Variants in RIPOR2 observed in about 807,000 individuals in gnomAD.
The protein encoded by RIPOR2 is rho family-interacting cell polarization regulator 2.
In RIPOR2, 39 loss-of-function variants were observed where a neutral mutation model predicts 114.5. That is an observed-to-expected ratio of 0.34 (90% CI 0.26 to 0.44). The LOEUF is 0.44. Ranked by LOEUF, RIPOR2 falls within the 20% of genes least tolerant of loss-of-function variation. The pLI is 1.00. For synonymous variants in RIPOR2, 445 were observed against 484.4 expected (o/e 0.92, Z 1.07); for missense variants, 1,007 against 1,255.1 (o/e 0.80, Z 2.99).
At chr6:25,033,813 A>G (rs78150260) in intron 1 of RIPOR2, among the ~76,000 whole-genome samples, 2,583 of 152,330 alleles carry the variant, frequency 0.017, 58 homozygotes, top group African/African-American at 0.049. Context: ...GTGGTCTACA[A>G]AAAACAAATC....
At chr6:24,944,878 G>T (rs1772329299) in intron 1 of RIPOR2, among the ~76,000 whole-genome samples, 2 of 152,090 alleles carry the variant, frequency 1.3e-5, no homozygotes, top group African/African-American at 2.4e-5. Context: ...AGGGCAAAGG[G>T]ATGAAAAAAA....
rs555218399 is a variant in RIPOR2, at chr6:25,016,677, G to C, written c.76+25174C>G. ...AAGTCTTGTGTCTGGCGATAATAAAGTTCCCTTAACTGATTCATCACTTCT... is the reference window on the plus strand; with the variant it reads ...AAGTCTTGTGTCTGGCGATAATAAACTTCCCTTAACTGATTCATCACTTCT... On this transcript the variant is annotated intron_variant, in intron 1 of 13. Transcript: ENST00000510784. Among the ~76,000 whole-genome samples the C allele has an allele frequency of 7.1e-4, 108 of 152,292 alleles. 1 individual carries two copies. The highest frequency in any genetic ancestry group is 4.4e-3 in the Admixed American group (68 of 15,298).
At chr6:24,820,015 T>C (rs536748946) in intron 19 of RIPOR2, among the ~76,000 whole-genome samples, 2 of 152,150 alleles carry the variant, frequency 1.3e-5, no homozygotes, top group Non-Finnish European at 2.9e-5. Context: ...CTGAATTACT[T>C]TTATTTTCTA....
Position 24,865,400 on chromosome 6 carries a change from A to G in RIPOR2, c.552T>C (p.Gly184=). Reference sequence around the variant, plus strand: ...CGAAGGCTTGCTTCATTTTGCTGGCACCATCCTGGAGGCGTCGCTGGATAC... The same window carrying G: ...CGAAGGCTTGCTTCATTTTGCTGGCGCCATCCTGGAGGCGTCGCTGGATAC... ...AYCIQRRLQD[G]ASKMKQAFAT... Residue 184 remains glycine, a synonymous_variant, in exon 7 of 22, where the codon GGT becomes GGC. Coordinates refer to ENST00000643898, the MANE Select transcript of RIPOR2 (RefSeq NM_001286445.3). The G allele has an allele frequency of 2.5e-6, 4 of 1,613,704 alleles. No homozygotes were observed. Among genetic ancestry groups the G allele is most frequent in the Non-Finnish European group, 3.4e-6 (4 of 1,179,718 alleles).
At chr6:24,842,061 C>A (rs546018349) in intron 13 of RIPOR2, among the ~76,000 whole-genome samples, 1 of 152,144 alleles carries the variant, frequency 6.6e-6, no homozygotes, top group African/African-American at 2.4e-5. Context: ...GTTCTCTTTT[C>A]TTTTATATGA....
intron 14 of RIPOR2, among the ~76,000 whole-genome samples, chr6:24,836,421 T>G (rs1473525037): frequency 6.6e-6 from 1 of 152,248 alleles, no homozygotes. Context: ...ATCGCTTAGT[T>G]CTGCCTCTGA....
At chr6:24,844,904 C>G (rs767681555) in intron 12 of RIPOR2, among the ~76,000 whole-genome samples, 1 of 151,930 alleles carries the variant, frequency 6.6e-6, no homozygotes, top group Admixed American at 6.6e-5. Context: ...GGAATAAGCC[C>G]GGCAAATAAA....
At chr6:24,829,532 C>A (rs1760482474) in intron 17 of RIPOR2, among the ~76,000 whole-genome samples, 1 of 152,002 alleles carries the variant, frequency 6.6e-6, no homozygotes, top group African/African-American at 2.4e-5. Context: ...GGGGAAGAGG[C>A]AGGAGAATCT....
intron 1 of RIPOR2, among the ~76,000 whole-genome samples, chr6:25,006,128 T>C (rs930925519): frequency 6.6e-6 from 1 of 152,198 alleles, no homozygotes; most frequent in African/African-American, 2.4e-5. Flanking sequence ...CTCTAATCCC[T>C]CCACTCAGAA....
intron 12 of RIPOR2, among the ~76,000 whole-genome samples, chr6:24,846,635 C>T (rs76404979): frequency 0.022 from 3,287 of 152,016 alleles, 125 homozygotes; most frequent in African/African-American, 0.072. Flanking sequence ...TCAATGAAAA[C>T]GATGCAATTA....
intron 18 of RIPOR2, 24 bp downstream of exon 18, chr6:24,828,113 A>C: frequency 6.5e-7 from 1 of 1,527,510 alleles, no homozygotes; most frequent in South Asian, 1.2e-5. Flanking sequence ...CACCACTACA[A>C]TGTGACAAAA....
At chr6:24,839,732 C>G in intron 13 of RIPOR2, 2 of 1,441,490 alleles carry the variant, frequency 1.4e-6, no homozygotes, top group Non-Finnish European at 1.8e-6. Flanking sequence ...AAATAAAATA[C>G]CACAAGCAGA....
intron 15 of RIPOR2, among the ~76,000 whole-genome samples, chr6:24,835,004 G>T (rs898034373): frequency 2.6e-5 from 4 of 152,202 alleles, no homozygotes; most frequent in African/African-American, 9.6e-5. Context: ...GATATTAGAA[G>T]AAAAGCAACC....
chr6:24,945,509 TG>T (rs1291089440), intron 1 of RIPOR2, among the ~76,000 whole-genome samples: 5 of 152,214 alleles, frequency 3.3e-5, no homozygotes, highest in African/African-American at 1.2e-4. Flanking sequence ...TTCCCTCATC[TG>T]ATTTAAAAGA....
chr6:24,841,617 A>ATT (rs11336541), intron 13 of RIPOR2, among the ~76,000 whole-genome samples: 23 of 127,502 alleles, frequency 1.8e-4, no homozygotes, highest in Admixed American at 7.1e-4. Flanking sequence ...CAATCACCAT[A>ATT]TTTTTTTTTT....
chr6:24,971,295 C>G (rs1773779383), intron 1 of RIPOR2, among the ~76,000 whole-genome samples: 1 of 152,200 alleles, frequency 6.6e-6, no homozygotes, highest in Non-Finnish European at 1.5e-5. Context: ...TCAGGGAGAT[C>G]AGGGTGACAT....
rs1761907748 is a variant in RIPOR2 at position 24,843,229 on chromosome 6, G to A, written c.1490C>T (p.Ala497Val). 6.2e-7 allele frequency: 1 copy of A among 1,614,030 alleles called. No individual in the cohort carries two copies. Among genetic ancestry groups the A allele is most frequent in the African/African-American group, 1.3e-5 (1 of 75,056 alleles). Residue 497 changes from alanine (A) to valine (V), a missense_variant, in exon 13 of 22, where the codon GCT (alanine) becomes GTT (valine). By Grantham distance (64) the Ala-to-Val change is moderately conservative. Transcript: ENST00000643898. ...PRKPASAPSEACRRQSSGAGA... is the reference protein window; with the variant it reads ...PRKPASAPSEVCRRQSSGAGA... ...AGCACCTGAGGACTGTCGGCGGCAA[G>A]CCTCAGATGGGGCCGAGGCAGGTTT...
chr6:24,966,220 C>T (rs1773520603), intron 1 of RIPOR2, among the ~76,000 whole-genome samples: 1 of 152,146 alleles, frequency 6.6e-6, no homozygotes, highest in African/African-American at 2.4e-5. Flanking sequence ...CCTGTAACCC[C>T]AGAAGCATCA....
At chr6:24,955,732 C>G (rs1242208070) in intron 1 of RIPOR2, among the ~76,000 whole-genome samples, 3 of 150,086 alleles carry the variant, frequency 2.0e-5, no homozygotes, top group Non-Finnish European at 4.4e-5. Context: ...AAGCCTGGTG[C>G]AGTGGCTCAC....
Sources: allele counts gnomAD v4.1 joint callset (sites outside exome capture counted in the v4.1 genomes callset), GRCh38; gene constraint gnomAD v4.1.1; transcripts MANE v1.5; gene names NCBI Gene and HGNC (gene_info 2026-07-23, HGNC 2026-07-21).